TRPM3: variants seen among roughly 807,000 people sequenced by gnomAD.
TRPM3 encodes long transient receptor potential channel 3.
Under a neutral mutation model 181.2 loss-of-function variants are expected in TRPM3, and 77 were observed. The ratio of observed to expected loss-of-function variants is 0.42; its 90% CI spans 0.35 to 0.51. The LOEUF (loss-of-function observed/expected upper bound fraction) is 0.51. Ranked by LOEUF, TRPM3 falls within the 20% of genes least tolerant of loss-of-function variation. The pLI is 0.01. For missense variants in TRPM3, 1,759 were observed against 2,196.7 expected, an observed-to-expected ratio of 0.80 and a Z score of 3.98; for synonymous variants, 745 against 796.4, an observed-to-expected ratio of 0.94 and a Z score of 1.09.
chr9:70,809,928 A>G (rs748393029), intron 6 of TRPM3: 7 of 532,142 alleles, frequency 1.3e-5, no homozygotes, highest in Non-Finnish European at 2.7e-5. Context: ...ATTTCATGTC[A>G]TGGTTATCCC....
At chr9:71,213,126 A>G (rs1187912877) in intron 1 of TRPM3, among the ~76,000 whole-genome samples, 1 of 152,216 alleles carries the variant, frequency 6.6e-6, no homozygotes, top group African/African-American at 2.4e-5. Flanking sequence ...CAGGCCATAC[A>G]ATCTCTGTTG....
chr9:70,831,983 A>ATATATATATTTATATATATATATT (rs778575663), intron 5 of TRPM3, among the ~76,000 whole-genome samples: 1 of 103,424 alleles, frequency 9.7e-6, no homozygotes. Context: ...ATATATATAT[A>ATATATATATTTATATATATATATT]TATATATATA....
At chr9:70,635,521 G>C (rs149448179) in intron 11 of TRPM3, among the ~76,000 whole-genome samples, 25 of 140,262 alleles carry the variant, frequency 1.8e-4, no homozygotes, top group African/African-American at 6.6e-4. Context: ...GGAGTGCAAC[G>C]GCATAATCAC....
chr9:70,625,429 AT>A lies in TRPM3; in HGVS notation c.1668+52del. The A allele has an allele frequency of 1.9e-6, 3 of 1,586,506 alleles. No individual in the cohort carries two copies. Among genetic ancestry groups the A allele is most frequent in the Non-Finnish European group, 2.6e-6 (3 of 1,168,974 alleles). ...ATTCTGTAACTAGAGTAAAAAAAAA[AT>A]AATGAAAAAAGAAACATATGAATGT... On this transcript the variant is annotated intron_variant, in intron 13 of 25. Coordinates refer to ENST00000677713, the MANE Select transcript of TRPM3 (RefSeq NM_001366145.2). The surrounding 1 kb of genome is among the most constrained non-coding windows in gnomAD (Gnocchi z 4.8).
chr9:70,627,779 T>C (rs1258641883), intron 12 of TRPM3, among the ~76,000 whole-genome samples: 1 of 152,144 alleles, frequency 6.6e-6, no homozygotes, highest in Non-Finnish European at 1.5e-5. Context: ...ACCTTGGCCC[T>C]CCACAGCCTA....
chr9:70,840,182 C>T (rs894255294), intron 5 of TRPM3, among the ~76,000 whole-genome samples: 1 of 152,078 alleles, frequency 6.6e-6, no homozygotes, highest in African/African-American at 2.4e-5. Flanking sequence ...TACTTTCATT[C>T]CAAATAATTT....
intron 25 of TRPM3, among the ~76,000 whole-genome samples, chr9:70,547,359 G>A (rs1018451935): frequency 6.6e-6 from 1 of 151,906 alleles, no homozygotes; most frequent in Non-Finnish European, 1.5e-5. Flanking sequence ...TAAGACAGGT[G>A]ATTTCACCTG....
At chr9:70,754,181 A>G (rs2076670119) in intron 8 of TRPM3, among the ~76,000 whole-genome samples, 1 of 152,152 alleles carries the variant, frequency 6.6e-6, no homozygotes, top group Non-Finnish European at 1.5e-5. Context: ...CCTCTGGAAC[A>G]TAAGGCTCTT....
chr9:70,941,710 G>C (rs1319493305), intron 1 of TRPM3, among the ~76,000 whole-genome samples: 1 of 152,144 alleles, frequency 6.6e-6, no homozygotes, highest in East Asian at 1.9e-4. Flanking sequence ...TACTAGAGGG[G>C]ACAAACTGTT....
chr9:70,906,611 A>AAAT, intron 1 of TRPM3, among the ~76,000 whole-genome samples: 1 of 152,144 alleles, frequency 6.6e-6, no homozygotes, highest in East Asian at 1.9e-4. Context: ...TGATCTTTTA[A>AAAT]AAAAGTACAG....
intron 1 of TRPM3, among the ~76,000 whole-genome samples, chr9:71,319,896 T>A (rs937066583): frequency 2.6e-5 from 4 of 152,138 alleles, no homozygotes; most frequent in African/African-American, 9.7e-5. Context: ...CTGAGATACC[T>A]ACAAAGGAAG....
intron 6 of TRPM3, among the ~76,000 whole-genome samples, chr9:70,784,716 C>T (rs1390513855): frequency 6.6e-6 from 1 of 152,154 alleles, no homozygotes; most frequent in Non-Finnish European, 1.5e-5. Context: ...TGCCACCTCC[C>T]TGAAGTTATC....
intron 7 of TRPM3, among the ~76,000 whole-genome samples, chr9:70,783,349 G>A (rs4745040): frequency 0.38 from 58,030 of 151,896 alleles, 13,070 homozygotes; most frequent in East Asian, 0.5. Flanking sequence ...GGCTTCCCTG[G>A]GTTTTACCCC....
intron 1 of TRPM3, among the ~76,000 whole-genome samples, chr9:70,983,040 C>T (rs2097379580): frequency 6.6e-6 from 1 of 152,106 alleles, no homozygotes; most frequent in African/African-American, 2.4e-5. Flanking sequence ...GACCCTTCAT[C>T]CTACTCAACC....
intron 1 of TRPM3, among the ~76,000 whole-genome samples, chr9:71,077,088 G>A (rs890237371): frequency 6.6e-6 from 1 of 152,150 alleles, no homozygotes; most frequent in Admixed American, 6.5e-5. Flanking sequence ...GCCCTCTCCT[G>A]TAGAGGTTCT....
At chr9:70,991,476 T>C (rs1283439489) in intron 1 of TRPM3, among the ~76,000 whole-genome samples, 1 of 152,044 alleles carries the variant, frequency 6.6e-6, no homozygotes, top group East Asian at 1.9e-4. Flanking sequence ...AAGAAGCACA[T>C]ATTTGCTGTA....
intron 1 of TRPM3, among the ~76,000 whole-genome samples, chr9:71,405,558 G>A (rs1376611556): frequency 6.6e-6 from 1 of 151,904 alleles, no homozygotes; most frequent in Non-Finnish European, 1.5e-5. Context: ...TCTTCCTTTA[G>A]GAATGTGAAA....
At chr9:71,180,930 G>A (rs974331256) in intron 1 of TRPM3, among the ~76,000 whole-genome samples, 5 of 152,012 alleles carry the variant, frequency 3.3e-5, no homozygotes, top group African/African-American at 1.2e-4. Context: ...TAAGTGTTTG[G>A]CCTTTTAGTC....
rs760680326 is a variant in TRPM3 at position 71,286,917 on chromosome 9, C to T, written c.183+159736G>A. Among the ~76,000 whole-genome samples, 47 of 105,388 alleles carry T rather than the reference C, an allele frequency of 4.5e-4. 1 individual carries two copies. Among genetic ancestry groups the T allele is most frequent in the Admixed American group, 8.7e-4 (10 of 11,430 alleles). The allele number at this position is 105,388 out of a possible 152,430, so 69.1% of individuals were successfully genotyped here. On this transcript the variant is annotated intron_variant, in intron 1 of 24. Coordinates refer to the TRPM3 transcript ENST00000357533. ...CACCTCTCACAGAAGCATTCTTTGA[C>T]CACGATATACTTTTATATATATATA...
Sources: gnomAD v4.1 joint callset for allele counts (sites outside exome capture counted in the v4.1 genomes callset) on GRCh38, gnomAD v4.1.1 for gene constraint, Gnocchi (gnomAD v3.1) non-coding constraint, MANE v1.5 for transcripts, NCBI Gene and HGNC (gene_info 2026-07-23, HGNC 2026-07-21) for gene names.